ACSM4: variants seen among roughly 807,000 people sequenced by gnomAD.
ACSM4 encodes acyl-CoA synthetase medium chain family member 4.
In ACSM4, 66 loss-of-function variants were observed where a neutral mutation model predicts 73.0. That is an observed-to-expected ratio of 0.90 (90% CI 0.74 to 1.11). ACSM4 has a LOEUF of 1.11. Ranked by LOEUF, ACSM4 falls within the 50% of genes least tolerant of loss-of-function variation. The pLI is 0.00. For missense variants in ACSM4, 645 were observed against 714.4 expected (o/e 0.90, Z 1.11); for synonymous variants, 222 against 254.0 (o/e 0.87, Z 1.20).
At chr12:7,318,630 A>T (rs934011567) in intron 5 of ACSM4, 1 of 152,918 alleles carries the variant, frequency 6.5e-6, no homozygotes, top group Non-Finnish European at 1.5e-5. Context: ...TATACTTCTC[A>T]CTTTGTTAAT....
chr12:7,322,272 A>G (rs1946469331), intron 6 of ACSM4, 146 bp from the exon 7 acceptor site: 1 of 1,079,702 alleles, frequency 9.3e-7, no homozygotes, highest in African/African-American at 1.6e-5. Flanking sequence ...GCAATATAGC[A>G]GGTGTTCAAC....
chr12:7,306,872 T>C, intron 2 of ACSM4, 129 bp downstream of exon 2: 1 of 883,818 alleles, frequency 1.1e-6, no homozygotes. Context: ...AAAGAAGAGT[T>C]AAGGCAATCA....
In ACSM4 at chr12:7,305,222, G is replaced by A. The variant is rs73270523; in HGVS notation, c.201+690G>A. ...AACACTCTCTTGAATAAAGACCACA[G>A]GTAGAAGCTAATCATCTCTAGATAA... On this transcript the variant is annotated intron_variant, in intron 1 of 12. Coordinates refer to ENST00000399422, the MANE Select transcript of ACSM4 (RefSeq NM_001080454.2). Among the ~76,000 whole-genome samples, 1,362 of 152,214 alleles carry A rather than the reference G, an allele frequency of 8.9e-3. 20 individuals are homozygous for A. Among genetic ancestry groups the A allele is most frequent in the African/African-American group, 0.032 (1,311 of 41,530 alleles).
At chr12:7,321,179 A>C (rs772530584) in intron 6 of ACSM4, among the ~76,000 whole-genome samples, 15 of 151,620 alleles carry the variant, frequency 9.9e-5, no homozygotes, top group Non-Finnish European at 2.1e-4. Context: ...ACTCCCACTC[A>C]AAAAAAAATT....
chr12:7,309,538 A>G (rs1043911329), intron 2 of ACSM4, among the ~76,000 whole-genome samples: 7 of 152,188 alleles, frequency 4.6e-5, no homozygotes, highest in African/African-American at 1.7e-4. Flanking sequence ...TAGTTTCTCA[A>G]TAATTTCTAG....
At position 7,317,168 on chromosome 12, in the gene ACSM4, A is replaced by T. The variant is rs767532085; in HGVS notation, c.652A>T (p.Thr218Ser). 6.2e-7 allele frequency: 1 copy of T among 1,613,056 alleles called. No homozygotes were observed. The highest frequency in any genetic ancestry group is 1.1e-5 in the South Asian group (1 of 90,816). ...CTCTGAAGAGCACAGCTGTGTGGAA[A>T]CAGGAAGTCAAGAACCAATGACCAT... ...FASEEHSCVE[T>S]GSQEPMTIYF... The change falls in exon 4 of 13, where the codon ACA becomes TCA. Residue 218 changes from threonine to serine, a missense_variant. Thr to Ser is a moderately conservative substitution (Grantham distance 58, BLOSUM62 1). Transcript: ENST00000399422.
intron 3 of ACSM4, among the ~76,000 whole-genome samples, chr12:7,313,683 A>C (rs1299785580): frequency 6.6e-6 from 1 of 152,150 alleles, no homozygotes; most frequent in Non-Finnish European, 1.5e-5. Flanking sequence ...GATTCTGATC[A>C]TGAGGGGTTC....
rs1946491507 is a variant in ACSM4 at position 7,324,760 on chromosome 12, G to T, written c.1536+162G>T. Among the ~76,000 whole-genome samples, 3 of 151,784 alleles carry T rather than the reference G, an allele frequency of 2.0e-5. 1 individual carries two copies. The South Asian group carries it at 6.2e-4, about 32-fold the overall frequency. On this transcript the variant is annotated intron_variant, in intron 11 of 12. Transcript: ENST00000399422. ...CAGGCAACCAACTTTACAATAAGTT[G>T]TGTCCCAAAGGGGTGGTATTAGAAT... is the stretch of plus-strand genomic sequence containing the variant.
At chr12:7,320,116 G>A (rs1261066960) in intron 5 of ACSM4, among the ~76,000 whole-genome samples, 1 of 152,168 alleles carries the variant, frequency 6.6e-6, no homozygotes, top group Non-Finnish European at 1.5e-5. Context: ...AAGGGACATA[G>A]TGGAACTTCT....
At chr12:7,326,284 C>A (rs1946504821) in intron 11 of ACSM4, among the ~76,000 whole-genome samples, 1 of 152,100 alleles carries the variant, frequency 6.6e-6, no homozygotes, top group Non-Finnish European at 1.5e-5. Flanking sequence ...CTCACTGTAA[C>A]CTCTCAAACT....
At chr12:7,315,622 A>T (rs7960022) in intron 3 of ACSM4, among the ~76,000 whole-genome samples, 4,576 of 152,226 alleles carry the variant, frequency 0.03, 240 homozygotes, top group African/African-American at 0.1. Flanking sequence ...AAAAAATAAA[A>T]AAATAAATAA....
chr12:7,321,579 A>G (rs1946464047), intron 6 of ACSM4, among the ~76,000 whole-genome samples: 1 of 152,212 alleles, frequency 6.6e-6, no homozygotes, highest in South Asian at 2.1e-4. Context: ...TCTTGTTCAC[A>G]TTTCAAGAGT....
intron 7 of ACSM4, 61 bp downstream of exon 7, chr12:7,322,602 A>G (rs2136336516): frequency 1.9e-6 from 3 of 1,541,000 alleles, no homozygotes; most frequent in Admixed American, 4.1e-5. Context: ...CAGGTTTTTC[A>G]ACTGAGCCCC....
chr12:7,310,586 C>G lies in ACSM4; in HGVS notation c.460C>G (p.Leu154Val), dbSNP rs1293872138. Residue 154 changes from leucine (L) to valine (V), a missense_variant, in exon 3 of 13, where the codon CTC becomes GTC. Physicochemically the swap from Leu to Val is conservative, Grantham distance 32. Transcript: ENST00000399422. Reference protein sequence around the residue: ...GTIQLTAKDILYRLRASKAKC... With the variant: ...GTIQLTAKDIVYRLRASKAKC... ...AATCCAGCTGACAGCAAAAGACATC[C>G]TCTACCGGCTGCGAGCATCCAAGGC... 1 of 1,611,916 alleles carries G rather than the reference C, an allele frequency of 6.2e-7. No homozygotes were observed. Among genetic ancestry groups the G allele is most frequent in the Non-Finnish European group, 8.5e-7 (1 of 1,179,296 alleles).
chr12:7,313,847 C>T (rs1450114254), intron 3 of ACSM4, among the ~76,000 whole-genome samples: 1 of 152,002 alleles, frequency 6.6e-6, no homozygotes, highest in African/African-American at 2.4e-5. Context: ...CAAACAGAGG[C>T]CAGGGTATGG....
Position 7,318,200 on chromosome 12 carries a change from G to C in ACSM4, c.921+18G>C. 6.2e-7 allele frequency: 1 copy of C among 1,611,640 alleles called. No homozygotes were observed. The highest frequency in any genetic ancestry group is 1.1e-5 in the South Asian group (1 of 90,816). On this transcript the variant is annotated intron_variant, in intron 5 of 12. Transcript: ENST00000399422. ...TCCTAGACGTAAGTCATGTCCTCCA[G>C]CTAGATAGATCTTTAGAGTTCTTCC...
rs956620526 is a variant in ACSM4, at chr12:7,304,349, C to G, written c.18C>G (p.Arg6=). The change falls in exon 1 of 13, where the codon CGC becomes CGG. Residue 6 remains arginine (R), a synonymous_variant. Transcript: ENST00000399422. The part of the protein sequence containing the change: MKIFF[R]YQTFRFIWLT... ...TGGGAACCATGAAGATTTTTTTCCG[C>G]TACCAGACATTTAGATTCATCTGGC... The G allele has an allele frequency of 1.9e-6, 3 of 1,613,882 alleles. No individual in the cohort carries two copies. Among genetic ancestry groups the G allele is most frequent in the Non-Finnish European group, 2.5e-6 (3 of 1,179,826 alleles).
In ACSM4 at chr12:7,317,267, A is replaced by C; in HGVS notation, c.751A>C (p.Thr251Pro). ...HSQSSLGIGF[T>P]LCGRYWLDLK... Reference sequence around the variant, plus strand: ...TCAGAGCAGCCTCGGCATTGGGTTCACCCTCTGCGGAAGGTAGGGAAGAAA... The same window carrying C: ...TCAGAGCAGCCTCGGCATTGGGTTCCCCCTCTGCGGAAGGTAGGGAAGAAA... The change falls in exon 4 of 13, where the codon ACC (threonine) becomes CCC (proline). Residue 251 changes from threonine (T) to proline (P), a missense_variant. Transcript: ENST00000399422. 6.4e-7 allele frequency: 1 copy of C among 1,573,558 alleles called. No homozygotes were observed. Among genetic ancestry groups the C allele is most frequent in the East Asian group, 2.3e-5 (1 of 42,852 alleles).
Position 7,327,039 on chromosome 12 carries a change from C to G in ACSM4, c.1600C>G (p.Leu534Val). Residue 534 changes from leucine to valine, a missense_variant, in exon 12 of 13, where the codon CTT becomes GTT. By Grantham distance (32) the Leu-to-Val change is conservative. Coordinates refer to ENST00000399422, the MANE Select transcript of ACSM4 (RefSeq NM_001080454.2). ...FKSYNPEKLTLELQDHVKKST... is the reference protein window; with the variant it reads ...FKSYNPEKLTVELQDHVKKST... ...GTCCTACAACCCAGAGAAATTAACTCTTGAACTTCAGGATCATGTGAAAAA... is the reference window on the plus strand; with the variant it reads ...GTCCTACAACCCAGAGAAATTAACTGTTGAACTTCAGGATCATGTGAAAAA... The G allele has an allele frequency of 2.5e-6, 4 of 1,612,474 alleles. No individual in the cohort carries two copies. The highest frequency in any genetic ancestry group is 3.4e-6 in the Non-Finnish European group (4 of 1,179,322).
Sources: allele counts gnomAD v4.1 joint callset (sites outside exome capture counted in the v4.1 genomes callset), GRCh38; gene constraint gnomAD v4.1.1; transcripts MANE v1.5; gene names NCBI Gene and HGNC (gene_info 2026-07-23, HGNC 2026-07-21).